The following ADAM22 variants were observed in gnomAD, a reference collection of about 807,000 sequenced individuals.
The protein encoded by ADAM22 is disintegrin and metalloproteinase domain-containing protein 22.
ADAM22 carries 65 observed loss-of-function variants against 144.6 expected under a neutral mutation model. The observed-to-expected ratio is 0.45, with a 90% CI of 0.37 to 0.55. The LOEUF is 0.55. Among genes scored for constraint, ADAM22 ranks in the 20% least tolerant of loss-of-function variants. The pLI is 0.00. For synonymous variants in ADAM22, 391 were observed against 412.6 expected (o/e 0.95, Z 0.63); for missense variants, 974 against 1,184.9 (o/e 0.82, Z 2.61).
chr7:87,935,252 G>T, intron 2 of ADAM22, 66 bp downstream of exon 2: 12 of 1,461,764 alleles, frequency 8.2e-6, no homozygotes, highest in Non-Finnish European at 1.1e-5. Context: ...CCACGATTGC[G>T]CTCGGTTGCC....
intron 3 of ADAM22, among the ~76,000 whole-genome samples, chr7:87,988,537 G>T (rs1268436991): frequency 6.6e-6 from 1 of 152,128 alleles, no homozygotes; most frequent in Non-Finnish European, 1.5e-5. Flanking sequence ...TTATCGGAAG[G>T]TATTTCCATA....
rs28421154 is a variant in ADAM22, at chr7:88,039,817, G to A, written c.324-35809G>A. Among the ~76,000 whole-genome samples, 1,290 of 151,854 alleles carry A rather than the reference G, an allele frequency of 8.5e-3. 25 individuals carry two copies. Among genetic ancestry groups the A allele is most frequent in the African/African-American group, 0.03 (1,233 of 41,474 alleles). ...ATACTAGTCTTCAAACTTAATGACC[G>A]TTTTTGTCCTTGGATTCTCTGTAGG... On this transcript the variant is annotated intron_variant, in intron 3 of 31. Coordinates refer to ENST00000413139, the MANE Select transcript of ADAM22 (RefSeq NM_001324418.2).
chr7:88,008,186 A>C (rs1794446958), intron 3 of ADAM22, among the ~76,000 whole-genome samples: 1 of 151,092 alleles, frequency 6.6e-6, no homozygotes, highest in Admixed American at 6.6e-5. Flanking sequence ...AATGCAAATC[A>C]AAACCACAAT....
intron 2 of ADAM22, among the ~76,000 whole-genome samples, chr7:87,946,618 C>G (rs1334089908): frequency 6.6e-6 from 1 of 152,164 alleles, no homozygotes; most frequent in Admixed American, 6.5e-5. Context: ...GTTCTTTCCC[C>G]ATGGCTTATT....
rs923824633 is a variant in ADAM22, at chr7:87,973,873, G to A, written c.247-4463G>A. The stretch of plus-strand genomic sequence containing the variant: ...AAACACCGCATATTCTCACTCATAG[G>A]TGGGAATTGAACAATGAGAACACAT... On this transcript the variant is annotated intron_variant, in intron 2 of 31. Coordinates refer to ENST00000413139, the MANE Select transcript of ADAM22 (RefSeq NM_001324418.2). 7.2e-5 allele frequency among the ~76,000 whole-genome samples: 11 copies of A among 151,896 alleles called. No individual in the cohort carries two copies. In the East Asian group the frequency reaches 7.7e-4, roughly 11 times the overall value.
At chr7:88,002,621 AAAG>A (rs1477763540) in intron 3 of ADAM22, among the ~76,000 whole-genome samples, 12 of 152,230 alleles carry the variant, frequency 7.9e-5, no homozygotes, top group Admixed American at 7.2e-4. Flanking sequence ...TAAAGTAAAG[AAAG>A]AATCATATTT....
At chr7:88,045,113 G>T (rs368251898) in intron 3 of ADAM22, among the ~76,000 whole-genome samples, 6 of 151,196 alleles carry the variant, frequency 4.0e-5, no homozygotes, top group African/African-American at 1.5e-4. Context: ...CGCCTCCCGG[G>T]TTCAGGCGAC....
intron 18 of ADAM22, among the ~76,000 whole-genome samples, 198 bp from the exon 19 acceptor site, chr7:88,150,783 T>C (rs1413458724): frequency 6.6e-6 from 1 of 152,196 alleles, no homozygotes; most frequent in East Asian, 1.9e-4. Flanking sequence ...CTTTTATTTT[T>C]TTAATTTATT....
chr7:87,939,065 T>G (rs999830332), intron 2 of ADAM22, among the ~76,000 whole-genome samples: 2 of 152,206 alleles, frequency 1.3e-5, no homozygotes, highest in Non-Finnish European at 2.9e-5. Flanking sequence ...ACGTGGAAGA[T>G]GAGTGGGTGA....
At chr7:88,027,265 C>A (rs1563057125) in intron 3 of ADAM22, among the ~76,000 whole-genome samples, 1 of 152,106 alleles carries the variant, frequency 6.6e-6, no homozygotes, top group African/African-American at 2.4e-5. Flanking sequence ...TGGAAGCATT[C>A]CCTCCTCCAC....
intron 4 of ADAM22, among the ~76,000 whole-genome samples, chr7:88,079,881 C>A (rs1056742377): frequency 2.0e-5 from 3 of 152,144 alleles, no homozygotes; most frequent in African/African-American, 7.2e-5. Flanking sequence ...GACTTAGACT[C>A]CCACACAATA....
At chr7:88,100,422 T>C (rs1822592547) in intron 4 of ADAM22, among the ~76,000 whole-genome samples, 1 of 152,190 alleles carries the variant, frequency 6.6e-6, no homozygotes, top group South Asian at 2.1e-4. Context: ...TTTAATTTAC[T>C]GTAAATGAGA....
chr7:87,952,236 G>A (rs1377053439), intron 2 of ADAM22, among the ~76,000 whole-genome samples: 2 of 151,702 alleles, frequency 1.3e-5, no homozygotes, highest in Non-Finnish European at 1.5e-5. Context: ...CAAAGGGAAT[G>A]CTTCCAGTTT....
chr7:88,019,717 G>A (rs547289943), intron 3 of ADAM22, among the ~76,000 whole-genome samples: 165 of 151,528 alleles, frequency 1.1e-3, no homozygotes, highest in Non-Finnish European at 1.6e-3. Flanking sequence ...GGGGGTTGTG[G>A]TGCGCACCTG....
intron 3 of ADAM22, among the ~76,000 whole-genome samples, chr7:88,000,249 T>A (rs1475295586): frequency 6.6e-6 from 1 of 152,176 alleles, no homozygotes; most frequent in Admixed American, 6.6e-5. Context: ...TTGGTCTCTG[T>A]TTTCTCCATG....
At chr7:88,149,104 G>A (rs760229888) in intron 18 of ADAM22, 47 bp downstream of exon 18, 2 of 1,345,270 alleles carry the variant, frequency 1.5e-6, no homozygotes, top group Admixed American at 3.4e-5. Flanking sequence ...AAAAGTGGGG[G>A]TATCTTTAGT....
intron 4 of ADAM22, among the ~76,000 whole-genome samples, chr7:88,094,131 T>C (rs537836843): frequency 6.6e-6 from 1 of 152,280 alleles, no homozygotes; most frequent in Admixed American, 6.5e-5. Context: ...CTTGCCCTCA[T>C]GAAGCTTGTC....
chr7:88,010,833 G>A (rs2022162), intron 3 of ADAM22, among the ~76,000 whole-genome samples: 6,690 of 152,224 alleles, frequency 0.044, 455 homozygotes, highest in African/African-American at 0.14. Context: ...TGTGGAGGTG[G>A]CATGGAAGTC....
At position 88,198,895 on chromosome 7, in the gene ADAM22, A is replaced by G. The variant is rs975138263; in HGVS notation, c.*2404A>G. 2 of 152,190 alleles carry G rather than the reference A, an allele frequency of 1.3e-5. No homozygotes were observed. Among genetic ancestry groups the G allele is most frequent in the Admixed American group, 6.5e-5 (1 of 15,276 alleles). The allele number at this position is 152,190 out of a possible 1,614,324, so 9.4% of individuals were successfully genotyped here. On this transcript the variant is annotated 3_prime_UTR_variant, in exon 32 of 32. Coordinates refer to ENST00000413139, the MANE Select transcript of ADAM22 (RefSeq NM_001324418.2). ...AACCTTCCTGTGGAACTGACTAAAA[A>G]TTTTTGTTTTATTTGTAGAGATTAT...
Sources: gnomAD v4.1 joint callset for allele counts (sites outside exome capture counted in the v4.1 genomes callset) on GRCh38, gnomAD v4.1.1 for gene constraint, MANE v1.5 for transcripts, NCBI Gene and HGNC (gene_info 2026-07-23, HGNC 2026-07-21) for gene names.